Variants in CD300LD observed in about 807,000 individuals in gnomAD.
CD300LD encodes CMRF35-like molecule 5.
A neutral mutation model predicts 20.3 loss-of-function variants in CD300LD; 18 were observed. The ratio of observed to expected loss-of-function variants is 0.89; its 90% CI spans 0.61 to 1.32. CD300LD has a LOEUF of 1.32. Ranked by LOEUF, CD300LD falls within the 40% of genes most tolerant of loss-of-function variation. CD300LD has a pLI of 0.00. For synonymous variants in CD300LD, 104 were observed against 90.1 expected (o/e 1.15, Z -0.87); for missense variants, 195 against 226.6 (o/e 0.86, Z 0.90).
chr17:74,586,417 G>GA (rs1234843937), intron 2 of CD300LD, among the ~76,000 whole-genome samples: 1 of 152,080 alleles, frequency 6.6e-6, no homozygotes, highest in Non-Finnish European at 1.5e-5. Context: ...CCCCACCCCA[G>GA]AAAAAATGCC....
chr17:74,591,635 A>T (rs1264244084), intron 1 of CD300LD, among the ~76,000 whole-genome samples: 1 of 152,194 alleles, frequency 6.6e-6, no homozygotes, highest in East Asian at 1.9e-4. Context: ...AAAGGTAGAA[A>T]CAACCCTAAG....
chr17:74,591,854 C>G lies in CD300LD; in HGVS notation c.40+309G>C, dbSNP rs1184310120. On this transcript the variant is annotated intron_variant, in intron 1 of 3. Coordinates refer to ENST00000375352, the MANE Select transcript of CD300LD (RefSeq NM_001115152.2). ...AAAAAAAAAGTTCTTCAAGAATGGA[C>G]TCACTCATTAGTTCCTTCCTTCATT... 3.7e-5 allele frequency: 12 copies of G among 323,330 alleles called. No homozygotes were observed. The Admixed American group carries it at 5.7e-4, about 15-fold the overall frequency. 20.0% of individuals were successfully genotyped at this position (323,330 alleles called of 1,614,324 possible).
intron 3 of CD300LD, among the ~76,000 whole-genome samples, chr17:74,581,740 G>C (rs1480529859): frequency 1.3e-5 from 2 of 152,244 alleles, no homozygotes; most frequent in Non-Finnish European, 2.9e-5. Context: ...GAGGTGGGGA[G>C]GGCATGTTCA....
At chr17:74,582,401 G>A in intron 2 of CD300LD, 90 bp from the exon 3 acceptor site, 1 of 1,000,870 alleles carries the variant, frequency 1.0e-6, no homozygotes, top group Non-Finnish European at 1.5e-6. Flanking sequence ...TAGGAATTAA[G>A]GAGCCTCTGC....
rs553626394 is a variant in CD300LD, at chr17:74,587,188, C to A, written c.379+1323G>T. ...TTGATATTATCCGGTCCTGAACTCA[C>A]CAAAGGGCCATCTGAGCCTGAAATT... On this transcript the variant is annotated intron_variant, in intron 2 of 3. Transcript: ENST00000375352. Among the ~76,000 whole-genome samples the A allele has an allele frequency of 3.9e-5, 6 of 152,242 alleles. No individual in the cohort carries two copies. In the South Asian group the frequency reaches 1.2e-3, roughly 32 times the overall value.
At chr17:74,584,952 T>C (rs1311357286) in intron 2 of CD300LD, 1 of 152,138 alleles carries the variant, frequency 6.6e-6, no homozygotes, top group African/African-American at 2.4e-5. Flanking sequence ...CGGCAGCAGA[T>C]ACAAGATCAG....
Position 74,588,506 on chromosome 17 carries a change from C to T in CD300LD, c.379+5G>A. On this transcript the variant is annotated splice_donor_5th_base_variant and intron_variant, in intron 2 of 3. Coordinates refer to ENST00000375352, the MANE Select transcript of CD300LD (RefSeq NM_001115152.2). ...AGACACACACGTATATACACTCCCT[C>T]TTACCTGGGTTAATGGTCACTTGAA... The T allele has an allele frequency of 6.3e-7, 1 of 1,596,422 alleles. No homozygotes were observed. Among genetic ancestry groups the T allele is most frequent in the African/African-American group, 1.3e-5 (1 of 74,696 alleles).
intron 2 of CD300LD, among the ~76,000 whole-genome samples, chr17:74,588,104 G>T (rs947236533): frequency 1.3e-5 from 2 of 152,202 alleles, no homozygotes; most frequent in African/African-American, 4.8e-5. Flanking sequence ...GGGCCTTCTT[G>T]ATGGCAGGGA....
chr17:74,592,124 G>A (rs916785764), intron 1 of CD300LD, 39 bp downstream of exon 1: 24 of 1,613,976 alleles, frequency 1.5e-5, no homozygotes, highest in African/African-American at 8.0e-5. Flanking sequence ...CAAGCCAGCC[G>A]CTGTCATTCC....
intron 2 of CD300LD, among the ~76,000 whole-genome samples, chr17:74,583,020 C>T (rs890380647): frequency 2.0e-5 from 3 of 152,116 alleles, no homozygotes; most frequent in Non-Finnish European, 4.4e-5. Context: ...GTATAACTGA[C>T]ACATAATAAA....
chr17:74,581,276 C>T (rs1345044112), intron 3 of CD300LD, among the ~76,000 whole-genome samples: 1 of 149,018 alleles, frequency 6.7e-6, no homozygotes, highest in Admixed American at 6.7e-5. Flanking sequence ...AAAAAAAAAA[C>T]AGAGTTGAAC....
chr17:74,591,415 C>T (rs545671689), intron 1 of CD300LD, among the ~76,000 whole-genome samples: 7 of 151,906 alleles, frequency 4.6e-5, no homozygotes, highest in African/African-American at 1.4e-4. Context: ...GAAAACACTA[C>T]GTATCAAAAT....
intron 2 of CD300LD, among the ~76,000 whole-genome samples, chr17:74,586,704 A>C (rs183412099): frequency 1.3e-5 from 2 of 152,282 alleles, no homozygotes; most frequent in African/African-American, 4.8e-5. Flanking sequence ...CAAACCCACC[A>C]AGATTCCCAC....
In CD300LD at chr17:74,579,936, C is replaced by G; in HGVS notation, c.*66G>C. 2.2e-6 allele frequency: 2 copies of G among 919,260 alleles called. No homozygotes were observed. The highest frequency in any genetic ancestry group is 1.4e-5 in the South Asian group (1 of 70,584). The allele number at this position is 919,260 out of a possible 1,614,324, so 56.9% of individuals were successfully genotyped here. On this transcript the variant is annotated 3_prime_UTR_variant, in exon 4 of 4. Transcript: ENST00000375352. Reference sequence around the variant, plus strand: ...AAATGTTTTTTCTTCTGTGGGAGGGCCTTTCGCCCTGGACAGGACGTCAAT... The same window carrying G: ...AAATGTTTTTTCTTCTGTGGGAGGGGCTTTCGCCCTGGACAGGACGTCAAT...
intron 2 of CD300LD, among the ~76,000 whole-genome samples, chr17:74,583,843 C>G (rs763995604): frequency 2.6e-5 from 4 of 151,234 alleles, no homozygotes; most frequent in Middle Eastern, 3.2e-3. Context: ...ACCACTGCCT[C>G]CCAGGTTCAA....
At chr17:74,581,730 G>A (rs1039856071) in intron 3 of CD300LD, among the ~76,000 whole-genome samples, 27 of 152,242 alleles carry the variant, frequency 1.8e-4, no homozygotes, top group African/African-American at 6.0e-4. Context: ...TTGACCCCAG[G>A]AGGTGGGGAG....
At chr17:74,580,692 G>T (rs1348637610) in intron 3 of CD300LD, among the ~76,000 whole-genome samples, 2 of 151,912 alleles carry the variant, frequency 1.3e-5, no homozygotes, top group African/African-American at 4.8e-5. Context: ...CACTTCCCAG[G>T]GTCTCGACCT....
At chr17:74,582,921 T>A (rs973540934) in intron 2 of CD300LD, among the ~76,000 whole-genome samples, 3 of 152,220 alleles carry the variant, frequency 2.0e-5, no homozygotes, top group Non-Finnish European at 4.4e-5. Flanking sequence ...AGTTTTGATA[T>A]TCAAAGTTTG....
chr17:74,592,122 C>G, intron 1 of CD300LD, 41 bp downstream of exon 1: 1 of 1,614,164 alleles, frequency 6.2e-7, no homozygotes, highest in South Asian at 1.1e-5. Flanking sequence ...TCCAAGCCAG[C>G]CGCTGTCATT....
Sources: allele counts gnomAD v4.1 joint callset (sites outside exome capture counted in the v4.1 genomes callset), GRCh38; gene constraint gnomAD v4.1.1; transcripts MANE v1.5; gene names NCBI Gene and HGNC (gene_info 2026-07-23, HGNC 2026-07-21).